LTBP4: variants seen among roughly 807,000 people sequenced by gnomAD.
The protein encoded by LTBP4 is latent transforming growth factor beta binding protein 4.
Under a neutral mutation model 180.2 loss-of-function variants are expected in LTBP4, and 93 were observed. The ratio of observed to expected loss-of-function variants is 0.52; its 90% CI spans 0.44 to 0.61. The LOEUF (loss-of-function observed/expected upper bound fraction) is 0.61, where lower values mean the gene tolerates loss of function less well. Ranked by LOEUF, LTBP4 falls within the 20% of genes least tolerant of loss-of-function variation. LTBP4 has a pLI of 0.00. For missense variants in LTBP4, 2,116 were observed against 2,256.5 expected (o/e 0.94, Z 1.26); for synonymous variants, 947 against 934.5 (o/e 1.01, Z -0.24).
chr19:40,606,383 T>C (rs371480343), intron 5 of LTBP4, 21 bp from the exon 6 acceptor site: 2 of 1,607,052 alleles, frequency 1.2e-6, no homozygotes, highest in Non-Finnish European at 1.7e-6. Context: ...GACTCCACGG[T>C]GACCTCCCCA....
intron 21 of LTBP4, among the ~76,000 whole-genome samples, chr19:40,618,453 G>A (rs2146039099): frequency 6.6e-6 from 1 of 152,230 alleles, no homozygotes; most frequent in Middle Eastern, 3.4e-3. Flanking sequence ...TAGAGATGGA[G>A]TTTTGCCATG....
At chr19:40,608,134 G>T (rs1045927610) in intron 7 of LTBP4, 86 bp from the exon 8 acceptor site, 8 of 1,480,532 alleles carry the variant, frequency 5.4e-6, no homozygotes, top group Non-Finnish European at 7.4e-6. Context: ...GCCAAGCCCT[G>T]CCCCTAGCCA....
In LTBP4 at chr19:40,627,786, G is replaced by A. The variant is rs2081647746; in HGVS notation, c.4448G>A (p.Arg1483His). Residue 1483 changes from arginine (R) to histidine (H), a missense_variant, in exon 29 of 30, where the codon CGC becomes CAC. By Grantham distance (29) the Arg-to-His change is conservative. This residue lies in a region of LTBP4 where 488 missense variants were observed against 458.8 expected (regional missense o/e 1.06). Coordinates refer to ENST00000396819, the MANE Select transcript of LTBP4 (RefSeq NM_001042545.2). ...GGCTGCACCAACGGCCGCTGCGTGCGCGTCCCCGAAGGCTTCACCTGCCGT... is the reference window on the plus strand; with the variant it reads ...GGCTGCACCAACGGCCGCTGCGTGCACGTCCCCGAAGGCTTCACCTGCCGT... ...LDGCTNGRCV[R>H]VPEGFTCRCF... 3 of 1,570,366 alleles carry A rather than the reference G, an allele frequency of 1.9e-6. No individual in the cohort carries two copies. Among genetic ancestry groups the A allele is most frequent in the Non-Finnish European group, 2.6e-6 (3 of 1,162,160 alleles).
intron 28 of LTBP4, 93 bp from the exon 29 acceptor site, chr19:40,627,612 C>A (rs1213165602): frequency 6.7e-7 from 1 of 1,485,650 alleles, no homozygotes; most frequent in Admixed American, 2.0e-5. Flanking sequence ...CAGTTTACAG[C>A]GAGAAAGATG....
At position 40,627,037 on chromosome 19, in the gene LTBP4, G is replaced by A. The variant is rs753534658; in HGVS notation, c.4048G>A (p.Gly1350Ser). 1.9e-6 allele frequency: 3 copies of A among 1,607,898 alleles called. No individual in the cohort carries two copies. The highest frequency in any genetic ancestry group is 2.6e-6 in the Non-Finnish European group (3 of 1,175,640). ...CGCATATAGCCCCCCGCGACCAGGTGGCTTTGGACTCCCCTACGAGTACGG... is the reference window on the plus strand; with the variant it reads ...CGCATATAGCCCCCCGCGACCAGGTAGCTTTGGACTCCCCTACGAGTACGG... Reference protein sequence around the residue: ...PPAYSPPRPGGFGLPYEYGPD... With the variant: ...PPAYSPPRPGSFGLPYEYGPD... Residue 1350 changes from glycine to serine, a missense_variant, in exon 28 of 30, where the codon GGC (glycine) becomes AGC (serine). This residue lies in a region of LTBP4 where 488 missense variants were observed against 458.8 expected (regional missense o/e 1.06). Transcript: ENST00000396819.
Position 40,617,113 on chromosome 19 carries a change from C to A in LTBP4, c.2958C>A (p.Cys986Ter). Residue 986 changes from cysteine to a stop codon, truncating the protein, a stop_gained, in exon 21 of 30, where the codon TGC (cysteine) becomes TGA (stop). Coordinates refer to ENST00000396819, the MANE Select transcript of LTBP4 (RefSeq NM_001042545.2). LOFTEE classifies it high-confidence loss of function. ...PGGGCQDVDE[C>*]RNRSFCGAHA... ...TGGTGGTTGCAGATGTGGACGAATGCCGGAACCGGTCCTTCTGCGGTGCCC... is the reference window on the plus strand; with the variant it reads ...TGGTGGTTGCAGATGTGGACGAATGACGGAACCGGTCCTTCTGCGGTGCCC... The A allele has an allele frequency of 6.2e-7, 1 of 1,613,992 alleles. No individual in the cohort carries two copies. The highest frequency in any genetic ancestry group is 8.5e-7 in the Non-Finnish European group (1 of 1,179,894).
At chr19:40,614,132 C>G (rs1226043808) in intron 18 of LTBP4, 94 bp downstream of exon 18, 9 of 1,541,880 alleles carry the variant, frequency 5.8e-6, no homozygotes, top group Non-Finnish European at 7.9e-6. Flanking sequence ...TCCGCTTCTC[C>G]CCTCCCCTTA....
chr19:40,620,928 A>G (rs751876203), intron 22 of LTBP4, among the ~76,000 whole-genome samples: 1 of 151,886 alleles, frequency 6.6e-6, no homozygotes, highest in Non-Finnish European at 1.5e-5. Flanking sequence ...TAGTAAGCAC[A>G]GTACCCAACA....
At position 40,625,316 on chromosome 19, in the gene LTBP4, A is replaced by ATATTTT. The variant is rs1568414647; in HGVS notation, c.3833-540_3833-539insATTTTT. On this transcript the variant is annotated intron_variant, in intron 26 of 29. Coordinates refer to ENST00000396819, the MANE Select transcript of LTBP4 (RefSeq NM_001042545.2). ...TATATATATATATATATATATATAT[A>ATATTTT]TTTTTTTTTTTAAAGATGGGTTTTT... 2.7e-4 allele frequency among the ~76,000 whole-genome samples: 6 copies of ATATTTT among 21,932 alleles called. 2 individuals are homozygous for ATATTTT. Among genetic ancestry groups the ATATTTT allele is most frequent in the Non-Finnish European group, 4.0e-4 (5 of 12,650 alleles). 14.4% of individuals were successfully genotyped at this position (21,932 alleles called of 152,430 possible).
rs1295939936 is a variant in LTBP4, at chr19:40,607,415, G to A, written c.1042G>A (p.Asp348Asn). The change falls in exon 7 of 30, where the codon GAC (aspartate) becomes AAC (asparagine). Residue 348 changes from aspartate to asparagine, a missense_variant. By Grantham distance (23) the Asp-to-Asn change is conservative (BLOSUM62 1). This residue lies in a region of LTBP4 where 469 missense variants were observed against 532.5 expected (regional missense o/e 0.88). Coordinates refer to ENST00000396819, the MANE Select transcript of LTBP4 (RefSeq NM_001042545.2). Reference sequence around the variant, plus strand: ...AGGGCCCTGCTTCCGCGTGCTCCGCGACGGCGGCTGTTCGCTGCCCATTCT... The same window carrying A: ...AGGGCCCTGCTTCCGCGTGCTCCGCAACGGCGGCTGTTCGCTGCCCATTCT... ...AKGPCFRVLR[D>N]GGCSLPILRN... 1.9e-6 allele frequency: 3 copies of A among 1,612,990 alleles called. No individual in the cohort carries two copies. The African/African-American group carries it at 4.0e-5, about 22-fold the overall frequency.
intron 19 of LTBP4, among the ~76,000 whole-genome samples, chr19:40,614,940 C>A (rs755699579): frequency 6.6e-6 from 1 of 152,186 alleles, no homozygotes; most frequent in African/African-American, 2.4e-5. Context: ...CTAGCATTGG[C>A]CCCCGCCCGT....
intron 12 of LTBP4, 43 bp downstream of exon 12, chr19:40,610,700 TG>T (rs1373124152): frequency 6.5e-7 from 1 of 1,548,760 alleles, no homozygotes; most frequent in African/African-American, 1.4e-5. Context: ...TGTGAGCGGT[TG>T]GGTAGAGCGC....
chr19:40,623,064 C>G, intron 24 of LTBP4, 43 bp downstream of exon 24: 1 of 1,483,296 alleles, frequency 6.7e-7, no homozygotes, highest in Non-Finnish European at 9.1e-7. Flanking sequence ...AGCTCTGAGG[C>G]CCAGCTTCGT....
At position 40,624,143 on chromosome 19, in the gene LTBP4, G is replaced by C; in HGVS notation, c.3832+61G>C. ...TTGGCTCGGCCTCACACCCGCACCC[G>C]GGCCACACCTTTGCGACGGCCACGC... On this transcript the variant is annotated intron_variant, in intron 26 of 29. Coordinates refer to ENST00000396819, the MANE Select transcript of LTBP4 (RefSeq NM_001042545.2). 1.4e-5 allele frequency: 21 copies of C among 1,456,930 alleles called. No homozygotes were observed. The South Asian group carries it at 2.4e-4, about 16-fold the overall frequency. The allele number at this position is 1,456,930 out of a possible 1,614,324, so 90.3% of individuals were successfully genotyped here.
At chr19:40,598,086 G>A (rs1163080700), upstream of LTBP4, among the ~76,000 whole-genome samples, 2 of 152,138 alleles carry the variant, frequency 1.3e-5, no homozygotes, top group African/African-American at 4.8e-5. Context: ...CGGGTGACGG[G>A]ACTGAAGGAA....
At position 40,608,359 on chromosome 19, in the gene LTBP4, G is replaced by A; in HGVS notation, c.1296G>A (p.Arg432=). ...SQPRTLPATS[R]PSAGFLPTHR... is the part of the protein sequence containing the mutation. ...CTCGTACCCTGCCAGCCACCTCTCG[G>A]CCATCTGCAGGTGAGCTGGCTCTGG... Residue 432 remains arginine, a synonymous_variant, in exon 8 of 30, where the codon CGG becomes CGA. Coordinates refer to ENST00000396819, the MANE Select transcript of LTBP4 (RefSeq NM_001042545.2). The A allele has an allele frequency of 1.2e-6, 2 of 1,612,656 alleles. No individual in the cohort carries two copies. The highest frequency in any genetic ancestry group is 1.7e-6 in the Non-Finnish European group (2 of 1,179,346).
chr19:40,617,000 CGCCAGGGGGCGGAT>C lies in LTBP4; in HGVS notation c.2932_2944+1del. The C allele has an allele frequency of 6.2e-7, 1 of 1,613,452 alleles. No homozygotes were observed. The highest frequency in any genetic ancestry group is 8.5e-7 in the Non-Finnish European group (1 of 1,179,384). ...GCCTGTGACCCTGGCTATCAGCCCA[CGCCAGGGGGCGGAT>C]GCCAGGGTGGGTGTCCATCAGGCAT... On this transcript the variant is annotated frameshift_variant, in exon 20 of 30. Transcript: ENST00000396819. LOFTEE classifies it high-confidence loss of function.
At chr19:40,616,475 G>A (rs866857704) in intron 19 of LTBP4, among the ~76,000 whole-genome samples, 1 of 151,622 alleles carries the variant, frequency 6.6e-6, no homozygotes, top group South Asian at 2.1e-4. Context: ...GCTCACACCT[G>A]TAATCCTAGG....
chr19:40,614,113 C>T (rs2081529553), intron 18 of LTBP4, 75 bp downstream of exon 18: 1 of 1,580,884 alleles, frequency 6.3e-7, no homozygotes, highest in Non-Finnish European at 8.6e-7. Flanking sequence ...CCACCTCTGT[C>T]TTTCCTCCTC....
Sources: gnomAD v4.1 joint callset for allele counts (sites outside exome capture counted in the v4.1 genomes callset) on GRCh38, gnomAD v4.1.1 for gene constraint, gnomAD v4.1.1 regional missense constraint, MANE v1.5 for transcripts, NCBI Gene and HGNC (gene_info 2026-07-23, HGNC 2026-07-21) for gene names.